The following DDX60L variants were observed in gnomAD, a reference collection of about 807,000 sequenced individuals.
The protein encoded by DDX60L is DExD/H-box 60 like, also known as probable ATP-dependent RNA helicase DDX60-like.
In DDX60L, 191 loss-of-function variants were observed where a neutral mutation model predicts 211.6. The ratio of observed to expected loss-of-function variants is 0.90; its 90% CI spans 0.80 to 1.02. DDX60L has a LOEUF of 1.02. Among genes scored for constraint, DDX60L ranks in the 50% least tolerant of loss-of-function variants. DDX60L has a pLI of 0.00. For synonymous variants in DDX60L, 706 were observed against 694.1 expected, an observed-to-expected ratio of 1.02 and a Z score of -0.27; for missense variants, 2,007 against 1,984.1, an observed-to-expected ratio of 1.01 and a Z score of -0.22.
At chr4:168,394,403 A>T in intron 28 of DDX60L, 62 bp downstream of exon 28, 1 of 1,288,058 alleles carries the variant, frequency 7.8e-7, no homozygotes, top group Non-Finnish European at 1.0e-6. Flanking sequence ...TTTACCTTTT[A>T]GTGGTATTCA....
At chr4:168,378,666 A>G (rs1247815188) in intron 32 of DDX60L, among the ~76,000 whole-genome samples, 191 bp from the exon 33 acceptor site, 2 of 152,030 alleles carry the variant, frequency 1.3e-5, no homozygotes, top group African/African-American at 4.8e-5. Flanking sequence ...AGGAGATTTT[A>G]TATTCTGTGC....
At chr4:168,472,070 C>A (rs913757973) in intron 3 of DDX60L, 134 bp from the exon 4 acceptor site, 17 of 648,592 alleles carry the variant, frequency 2.6e-5, no homozygotes, top group Non-Finnish European at 4.4e-5. Flanking sequence ...TTTCAAATAC[C>A]TCATTTAAGC....
At chr4:168,441,617 G>A in intron 9 of DDX60L, 125 bp from the exon 10 acceptor site, 1 of 724,506 alleles carries the variant, frequency 1.4e-6, no homozygotes, top group Non-Finnish European at 2.2e-6. Context: ...CTTACAGTGA[G>A]TTACACAATA....
At chr4:168,393,027 C>T (rs751840867) in intron 28 of DDX60L, among the ~76,000 whole-genome samples, 2 of 152,110 alleles carry the variant, frequency 1.3e-5, no homozygotes, top group Non-Finnish European at 2.9e-5. Context: ...ATTGGAGTGA[C>T]CTTTGCCCAT....
At chr4:168,468,184 A>G (rs1489664839) in intron 4 of DDX60L, among the ~76,000 whole-genome samples, 2 of 152,030 alleles carry the variant, frequency 1.3e-5, no homozygotes, top group East Asian at 1.9e-4. Flanking sequence ...AAATAAATAA[A>G]TAAATAAACA....
At chr4:168,370,136 A>T (rs1740752090) in intron 36 of DDX60L, among the ~76,000 whole-genome samples, 1 of 152,188 alleles carries the variant, frequency 6.6e-6, no homozygotes, top group South Asian at 2.1e-4. Flanking sequence ...TTATTGCCAC[A>T]CTATTTACAA....
intron 28 of DDX60L, among the ~76,000 whole-genome samples, chr4:168,392,883 A>G (rs4692928): frequency 0.88 from 131,905 of 150,616 alleles, 60,091 homozygotes; most frequent in Non-Finnish European, 1. Flanking sequence ...GCAAGCTCCC[A>G]CAGTCTCAGA....
chr4:168,409,200 A>T (rs1270462203), intron 22 of DDX60L, among the ~76,000 whole-genome samples: 1 of 152,202 alleles, frequency 6.6e-6, no homozygotes, highest in East Asian at 1.9e-4. Context: ...CAGAGTAAAG[A>T]GCTGAGAAGA....
chr4:168,430,355 G>A, intron 13 of DDX60L, 123 bp downstream of exon 13: 2 of 848,394 alleles, frequency 2.4e-6, no homozygotes, highest in South Asian at 2.2e-5. Context: ...TGTGAGAATG[G>A]ACTAAGACAG....
At chr4:168,405,801 T>G (rs1017393120) in intron 24 of DDX60L, 149 bp downstream of exon 24, 6 of 789,000 alleles carry the variant, frequency 7.6e-6, no homozygotes, top group Admixed American at 7.1e-5. Context: ...TTATTCTATC[T>G]CATACTCACT....
chr4:168,361,524 C>T (rs780257090), intron 36 of DDX60L: 4 of 182,254 alleles, frequency 2.2e-5, no homozygotes, highest in Non-Finnish European at 4.5e-5. Flanking sequence ...ATTATTTCTA[C>T]TTACTTCTTC....
At chr4:168,363,633 T>C (rs750461643) in intron 36 of DDX60L, among the ~76,000 whole-genome samples, 2 of 152,158 alleles carry the variant, frequency 1.3e-5, no homozygotes, top group Non-Finnish European at 2.9e-5. Context: ...CAGCATAAAA[T>C]AGTCTATTAT....
intron 26 of DDX60L, 36 bp from the exon 27 acceptor site, chr4:168,396,160 T>A: frequency 2.4e-6 from 3 of 1,237,104 alleles, no homozygotes; most frequent in Non-Finnish European, 3.3e-6. Context: ...TTTTAAGTAA[T>A]GAAAACTCAT....
At chr4:168,383,557 T>G (rs1743330033) in intron 30 of DDX60L, among the ~76,000 whole-genome samples, 1 of 152,188 alleles carries the variant, frequency 6.6e-6, no homozygotes, top group Non-Finnish European at 1.5e-5. Context: ...AGGAATGAGG[T>G]ATGGTGTCCA....
intron 36 of DDX60L, among the ~76,000 whole-genome samples, chr4:168,368,626 G>A (rs951175796): frequency 6.6e-6 from 1 of 152,216 alleles, no homozygotes; most frequent in Non-Finnish European, 1.5e-5. Context: ...CCCACTGAAA[G>A]CTTGCACTGT....
chr4:168,404,263 T>C (rs537705032), intron 24 of DDX60L, among the ~76,000 whole-genome samples, 157 bp from the exon 25 acceptor site: 125 of 151,926 alleles, frequency 8.2e-4, no homozygotes, highest in Non-Finnish European at 1.6e-3. Context: ...CAAGTAGTGG[T>C]AAAAGTCAAC....
chr4:168,464,941 T>C (rs1757788269), intron 4 of DDX60L, among the ~76,000 whole-genome samples: 2 of 152,134 alleles, frequency 1.3e-5, no homozygotes, highest in African/African-American at 4.8e-5. Context: ...GCTATGTAAA[T>C]AGTGTTTCAA....
At chr4:168,459,292 C>T (rs544464825) in intron 5 of DDX60L, among the ~76,000 whole-genome samples, 1 of 151,902 alleles carries the variant, frequency 6.6e-6, no homozygotes, top group Non-Finnish European at 1.5e-5. Context: ...TTGAAACCAG[C>T]CTGGGCAACA....
chr4:168,391,619 G>T lies in DDX60L; in HGVS notation c.3836C>A (p.Ala1279Asp). Reference protein sequence around the residue: ...IRVVTATETLALGIHMPCKSV... With the variant: ...IRVVTATETLDLGIHMPCKSV... ...TTTGCATGGCATGTGGATCCCTAAG[G>T]CAAGTGTTTCAGTAGCTGTCACTAC... Residue 1279 changes from alanine to aspartate, a missense_variant, in exon 29 of 38, where the codon GCC becomes GAC. Transcript: ENST00000682922. 6.3e-7 allele frequency: 1 copy of T among 1,582,988 alleles called. No homozygotes were observed. Among genetic ancestry groups the T allele is most frequent in the African/African-American group, 1.4e-5 (1 of 73,358 alleles).
Sources: gnomAD v4.1 joint callset for allele counts (sites outside exome capture counted in the v4.1 genomes callset) on GRCh38, gnomAD v4.1.1 for gene constraint, MANE v1.5 for transcripts, NCBI Gene and HGNC (gene_info 2026-07-23, HGNC 2026-07-21) for gene names.